ANKRD30A: variants seen among roughly 807,000 people sequenced by gnomAD.
The protein encoded by ANKRD30A is ankyrin repeat domain-containing protein 30A.
A neutral mutation model predicts 166.3 loss-of-function variants in ANKRD30A; 170 were observed. That is an observed-to-expected ratio of 1.02 (90% CI 0.90 to 1.16). The LOEUF is 1.16. ANKRD30A is among the 50% of genes most tolerant of loss of function. The pLI, the probability that ANKRD30A is intolerant of heterozygous loss-of-function variation, is 0.00. For synonymous variants in ANKRD30A, 564 were observed against 508.9 expected, an observed-to-expected ratio of 1.11 and a Z score of -1.46; for missense variants, 1,630 against 1,518.0, an observed-to-expected ratio of 1.07 and a Z score of -1.23.
intron 31 of ANKRD30A, among the ~76,000 whole-genome samples, chr10:37,205,344 C>T (rs1397958673): frequency 6.7e-6 from 1 of 149,428 alleles, no homozygotes; most frequent in Non-Finnish European, 1.5e-5. Flanking sequence ...CAAACTATCG[C>T]AAGGACAGAA....
At position 37,155,561 on chromosome 10, in the gene ANKRD30A, A is replaced by C. The variant is rs17606414; in HGVS notation, c.1798+1899A>C. Among the ~76,000 whole-genome samples the C allele has an allele frequency of 3.8e-3, 574 of 152,296 alleles. 3 individuals carry two copies. The highest frequency in any genetic ancestry group is 0.014 in the Middle Eastern group (4 of 294). On this transcript the variant is annotated intron_variant, in intron 13 of 35. Transcript: ENST00000361713. The stretch of plus-strand genomic sequence containing the variant: ...GATATAAATTATTATAATGTGTTGC[A>C]TTAAAGACACATGGTGTAGCATTCT...
chr10:37,250,714 T>TA, the ANKRD30A span, among the ~76,000 whole-genome samples: 1 of 152,144 alleles, frequency 6.6e-6, no homozygotes, highest in African/African-American at 2.4e-5. Flanking sequence ...CCATGTGAGA[T>TA]ATAGCAAGAA....
At chr10:37,195,167 T>G (rs1015066257) in intron 27 of ANKRD30A, among the ~76,000 whole-genome samples, 1 of 152,198 alleles carries the variant, frequency 6.6e-6, no homozygotes, top group African/African-American at 2.4e-5. Context: ...CAAAAATGCA[T>G]AAGGTTTTAA....
chr10:37,262,114 A>G, the ANKRD30A span, among the ~76,000 whole-genome samples: 8 of 152,224 alleles, frequency 5.3e-5, no homozygotes. Flanking sequence ...AAGGTTATAC[A>G]AAGTCAGAGT....
intron 31 of ANKRD30A, 89 bp from the exon 32 acceptor site, chr10:37,216,092 G>C: frequency 1.3e-6 from 1 of 791,054 alleles, no homozygotes; most frequent in Non-Finnish European, 1.9e-6. Flanking sequence ...ATATATATTT[G>C]TTCAGTGTAT....
chr10:37,203,220 A>C, intron 31 of ANKRD30A, among the ~76,000 whole-genome samples: 1 of 152,176 alleles, frequency 6.6e-6, no homozygotes, highest in East Asian at 1.9e-4. Context: ...GATGAACATC[A>C]ATGCAAAAAT....
At position 37,126,148 on chromosome 10, in the gene ANKRD30A, G is replaced by A. The variant is rs542844687; in HGVS notation, c.221+140G>A. ...AACGGGCAGCGGGGCAGCCATCCTGGGCCCTCGGGTCTAGGCCTTCTTCCT... is the reference window on the plus strand; with the variant it reads ...AACGGGCAGCGGGGCAGCCATCCTGAGCCCTCGGGTCTAGGCCTTCTTCCT... On this transcript the variant is annotated intron_variant, in intron 1 of 35. Transcript: ENST00000361713. The A allele has an allele frequency of 2.7e-4, 237 of 886,706 alleles. 1 individual carries two copies. In the African/African-American group the frequency reaches 3.7e-3, roughly 14 times the overall value. 54.9% of individuals were successfully genotyped at this position (886,706 alleles called of 1,614,324 possible). A position where few individuals can be genotyped will look rare whatever the true frequency, so the allele number is the denominator to read the frequency against.
At chr10:37,225,299 A>G (rs901071004) in intron 34 of ANKRD30A, among the ~76,000 whole-genome samples, 2 of 151,704 alleles carry the variant, frequency 1.3e-5, no homozygotes, top group Non-Finnish European at 2.9e-5. Flanking sequence ...GTCATAATTT[A>G]TTGACTTGTT....
At chr10:37,138,195 C>G (rs1174704049) in intron 6 of ANKRD30A, among the ~76,000 whole-genome samples, 6 of 152,226 alleles carry the variant, frequency 3.9e-5, no homozygotes, top group African/African-American at 1.2e-4. Context: ...AACTAACAAA[C>G]AGAAAGGACA....
chr10:37,230,865 C>G (rs1043276817), intron 34 of ANKRD30A, among the ~76,000 whole-genome samples: 2 of 152,052 alleles, frequency 1.3e-5, no homozygotes, highest in African/African-American at 4.8e-5. Context: ...GTGTGGAAGA[C>G]AGAAGGCACA....
intron 21 of ANKRD30A, among the ~76,000 whole-genome samples, chr10:37,172,543 C>CTTT (rs148180513): frequency 1.1e-3 from 90 of 82,964 alleles, no homozygotes; most frequent in Middle Eastern, 8.6e-3. Flanking sequence ...TTTTTAATTT[C>CTTT]TTTTTTTTTT....
intron 25 of ANKRD30A, 144 bp from the exon 26 acceptor site, chr10:37,192,920 G>A (rs56353307): frequency 1.7e-4 from 245 of 1,481,890 alleles, no homozygotes; most frequent in African/African-American, 1.1e-3. Flanking sequence ...AACAAATACA[G>A]TAACCCAAAA....
At chr10:37,184,321 A>G (rs1362795428) in intron 24 of ANKRD30A, 1 of 111,606 alleles carries the variant, frequency 9.0e-6, no homozygotes, top group East Asian at 2.2e-4. Context: ...AGAATTCTAC[A>G]GAGTTAGAGG....
intron 11 of ANKRD30A, among the ~76,000 whole-genome samples, chr10:37,150,305 G>A (rs1393485027): frequency 2.0e-5 from 3 of 151,890 alleles, no homozygotes; most frequent in Admixed American, 1.3e-4. Flanking sequence ...ACTCGGATTA[G>A]TGAACTCTGT....
intron 21 of ANKRD30A, among the ~76,000 whole-genome samples, chr10:37,172,567 AG>A (rs1839666933): frequency 1.2e-5 from 1 of 85,256 alleles, no homozygotes; most frequent in Admixed American, 1.2e-4. Flanking sequence ...TTTTTTTTTT[AG>A]TAGAAGCATT....
At chr10:37,234,534 AT>A (rs1044230180), downstream of ANKRD30A, among the ~76,000 whole-genome samples, 37 of 152,078 alleles carry the variant, frequency 2.4e-4, no homozygotes, top group Non-Finnish European at 4.4e-5. Flanking sequence ...CACTTGGTAC[AT>A]GTTTTTTAAA....
chr10:37,147,692 G>A (rs370363608), intron 9 of ANKRD30A, among the ~76,000 whole-genome samples: 2 of 152,190 alleles, frequency 1.3e-5, no homozygotes, highest in Non-Finnish European at 2.9e-5. Flanking sequence ...AGGACATGAC[G>A]AAAGTCAGGA....
chr10:37,128,899 A>G (rs565152666), intron 1 of ANKRD30A, among the ~76,000 whole-genome samples: 176 of 152,264 alleles, frequency 1.2e-3, no homozygotes, highest in African/African-American at 4.1e-3. Flanking sequence ...ATAGCTTTGA[A>G]TAGTAATATT....
chr10:37,151,684 T>A (rs1276570320), intron 11 of ANKRD30A, among the ~76,000 whole-genome samples: 3 of 152,084 alleles, frequency 2.0e-5, no homozygotes, highest in Non-Finnish European at 4.4e-5. Context: ...TCAAACTAAG[T>A]AATACTACCA....
Sources: gnomAD v4.1 joint callset for allele counts (sites outside exome capture counted in the v4.1 genomes callset) on GRCh38, gnomAD v4.1.1 for gene constraint, MANE v1.5 for transcripts, NCBI Gene and HGNC (gene_info 2026-07-23, HGNC 2026-07-21) for gene names.